The following EDIL3 variants were observed in gnomAD, a reference collection of about 807,000 sequenced individuals.
The protein encoded by EDIL3 is EGF like and discoidin domains 3.
EDIL3 carries 37 observed loss-of-function variants against 67.4 expected under a neutral mutation model. The ratio of observed to expected loss-of-function variants is 0.55; its 90% confidence interval spans 0.42 to 0.72. EDIL3 has a LOEUF of 0.72. Ranked by LOEUF, EDIL3 falls within the 30% of genes least tolerant of loss-of-function variation. The pLI is 0.00. For missense variants in EDIL3, 527 were observed against 586.3 expected (o/e 0.90, Z 1.04); for synonymous variants, 195 against 196.3 (o/e 0.99, Z 0.05).
At chr5:84,352,670 A>G (rs1325236065) in intron 1 of EDIL3, among the ~76,000 whole-genome samples, 2 of 152,086 alleles carry the variant, frequency 1.3e-5, no homozygotes, top group Non-Finnish European at 2.9e-5. Context: ...TGATAGAAGA[A>G]ATACCATCTA....
At chr5:83,963,152 G>A in intron 10 of EDIL3, 53 bp downstream of exon 10, 3 of 1,534,368 alleles carry the variant, frequency 2.0e-6, no homozygotes, top group Middle Eastern at 1.8e-4. Context: ...TCAAACTTGG[G>A]TGTAATTTGA....
chr5:84,156,049 G>A (rs1206459162), intron 4 of EDIL3, among the ~76,000 whole-genome samples: 2 of 152,158 alleles, frequency 1.3e-5, no homozygotes, highest in Admixed American at 1.3e-4. Context: ...TCTAGAGGGG[G>A]AGCATAGGCT....
At chr5:84,090,931 A>G (rs1561428233) in intron 6 of EDIL3, among the ~76,000 whole-genome samples, 1 of 151,472 alleles carries the variant, frequency 6.6e-6, no homozygotes, top group Admixed American at 6.6e-5. Flanking sequence ...TTGGCGACAG[A>G]GCCAGACTCT....
rs986079792 is a variant in EDIL3 at position 83,963,232 on chromosome 5, G to A, written c.1266C>T (p.Tyr422=). 3 of 1,604,348 alleles carry A rather than the reference G, an allele frequency of 1.9e-6. No homozygotes were observed. The highest frequency in any genetic ancestry group is 4.5e-5 in the East Asian group (2 of 44,342). Reference sequence around the variant, plus strand: ...TATCTTTTCTTTGCTTTTCATCCTGGTATACAGTCCAGTGTTCTCCATCAT... The same window carrying A: ...TATCTTTTCTTTGCTTTTCATCCTGATATACAGTCCAGTGTTCTCCATCAT... ...YSNDGEHWTV[Y]QDEKQRKDKV... The change falls in exon 10 of 11, where the codon TAC becomes TAT. Residue 422 remains tyrosine (Y), a synonymous_variant. Transcript: ENST00000296591.
chr5:84,063,914 GAAC>G (rs963722450), intron 8 of EDIL3, among the ~76,000 whole-genome samples: 8 of 152,054 alleles, frequency 5.3e-5, no homozygotes, highest in Admixed American at 3.9e-4. Flanking sequence ...AGAAATGTAA[GAAC>G]AACTACCAAA....
chr5:83,959,499 C>A (rs1213593989), intron 10 of EDIL3, among the ~76,000 whole-genome samples: 1 of 150,970 alleles, frequency 6.6e-6, no homozygotes, highest in African/African-American at 2.4e-5. Flanking sequence ...TTTGTTTATA[C>A]ATATTTCTGT....
intron 1 of EDIL3, among the ~76,000 whole-genome samples, chr5:84,341,849 T>A (rs1724034807): frequency 6.6e-6 from 1 of 152,060 alleles, no homozygotes; most frequent in African/African-American, 2.4e-5. Context: ...AATGTCCCTA[T>A]GTTTTAGCTA....
chr5:84,275,459 A>T (rs1191555109), intron 1 of EDIL3, among the ~76,000 whole-genome samples: 2 of 152,222 alleles, frequency 1.3e-5, no homozygotes, highest in East Asian at 3.8e-4. Context: ...ACAAGAAGGA[A>T]ATTAGAGGTA....
intron 3 of EDIL3, among the ~76,000 whole-genome samples, chr5:84,185,848 AC>A (rs1743417859): frequency 6.6e-6 from 1 of 152,158 alleles, no homozygotes; most frequent in Non-Finnish European, 1.5e-5. Flanking sequence ...TTTGGCAAAT[AC>A]ATAATCAAGA....
chr5:84,172,411 G>A (rs773442548), intron 4 of EDIL3, among the ~76,000 whole-genome samples: 1 of 151,800 alleles, frequency 6.6e-6, no homozygotes, highest in Non-Finnish European at 1.5e-5. Flanking sequence ...ACGAAACTCT[G>A]ACTATATAAA....
chr5:84,252,493 C>CAAAAAAAAAAAAAAAAAAAAAAAAA lies in EDIL3; in HGVS notation c.196+1566_196+1590dup, dbSNP rs70975548. ...TGTGCGACAAAGTGAGACTCCGTCT[C>CAAAAAAAAAAAAAAAAAAAAAAAAA]AAAAAAAAAAAAAAAAAAAAAAAAA... On this transcript the variant is annotated intron_variant, in intron 2 of 10. Coordinates refer to ENST00000296591, the MANE Select transcript of EDIL3 (RefSeq NM_005711.5). Among the ~76,000 whole-genome samples the CAAAAAAAAAAAAAAAAAAAAAAAAA allele has an allele frequency of 4.4e-3, 128 of 28,946 alleles. 34 individuals are homozygous for CAAAAAAAAAAAAAAAAAAAAAAAAA. Among genetic ancestry groups the CAAAAAAAAAAAAAAAAAAAAAAAAA allele is most frequent in the East Asian group, 0.011 (4 of 364 alleles). The allele number at this position is 28,946 out of a possible 152,430, so 19.0% of individuals were successfully genotyped here.
chr5:84,012,590 ATAT>A (rs1467336295), intron 9 of EDIL3, among the ~76,000 whole-genome samples: 1 of 152,158 alleles, frequency 6.6e-6, no homozygotes, highest in African/African-American at 2.4e-5. Flanking sequence ...TGCCTGCTTA[ATAT>A]TACTCTATCT....
At chr5:84,276,475 G>A (rs189754454) in intron 1 of EDIL3, among the ~76,000 whole-genome samples, 9 of 151,860 alleles carry the variant, frequency 5.9e-5, no homozygotes, top group Admixed American at 1.3e-4. Context: ...ACTTTTAATC[G>A]TTTCCTTCAT....
At chr5:84,312,324 G>A (rs1447193296) in intron 1 of EDIL3, among the ~76,000 whole-genome samples, 4 of 140,780 alleles carry the variant, frequency 2.8e-5, no homozygotes, top group South Asian at 2.3e-4. Context: ...GCGGCTGGCC[G>A]GGTGGGGGGC....
rs1482014838 is a variant in EDIL3, at chr5:83,971,666, T to A, written c.1138-8306A>T. On this transcript the variant is annotated intron_variant, in intron 9 of 10. Transcript: ENST00000296591. ...CTGCACATTTAAAAAATAGGACCTA[T>A]ATTATCTTGTTTTCCCTTCCTTTAC... Among the ~76,000 whole-genome samples the A allele has an allele frequency of 2.6e-5, 4 of 152,064 alleles. No individual in the cohort carries two copies. The South Asian group carries it at 8.3e-4, about 31-fold the overall frequency.
chr5:84,186,924 G>A (rs1257263466), intron 3 of EDIL3, among the ~76,000 whole-genome samples: 1 of 151,960 alleles, frequency 6.6e-6, no homozygotes, highest in Non-Finnish European at 1.5e-5. Flanking sequence ...TATGCATTAG[G>A]GCATACAGAA....
intron 10 of EDIL3, 43 bp from the exon 11 acceptor site, chr5:83,943,611 T>C (rs1173511699): frequency 1.3e-6 from 2 of 1,593,518 alleles, no homozygotes; most frequent in Non-Finnish European, 1.7e-6. Flanking sequence ...ACAGCCTTCT[T>C]TCTTTGAAAT....
intron 4 of EDIL3, among the ~76,000 whole-genome samples, chr5:84,172,527 C>A (rs533606571): frequency 2.6e-5 from 4 of 151,890 alleles, no homozygotes; most frequent in Non-Finnish European, 5.9e-5. Context: ...TTGCAGTGAG[C>A]CAGGATTGCA....
chr5:84,114,558 T>C (rs1747630867), intron 5 of EDIL3, among the ~76,000 whole-genome samples: 2 of 152,184 alleles, frequency 1.3e-5, no homozygotes, highest in South Asian at 2.1e-4. Flanking sequence ...CTCTCCACAC[T>C]GAGATTGCTT....
Sources: gnomAD v4.1 joint callset for allele counts (sites outside exome capture counted in the v4.1 genomes callset) on GRCh38, gnomAD v4.1.1 for gene constraint, MANE v1.5 for transcripts, NCBI Gene and HGNC (gene_info 2026-07-23, HGNC 2026-07-21) for gene names.